The following MFSD8 variants were observed in gnomAD, a reference collection of about 807,000 sequenced individuals.
The protein encoded by MFSD8 is major facilitator superfamily domain-containing protein 8.
MFSD8 carries 55 observed loss-of-function variants against 66.4 expected under a neutral mutation model. The ratio of observed to expected loss-of-function variants is 0.83; its 90% CI spans 0.67 to 1.04. The LOEUF (loss-of-function observed/expected upper bound fraction) is 1.04. Among genes scored for constraint, MFSD8 ranks in the 50% least tolerant of loss-of-function variants. The pLI, the probability that MFSD8 is intolerant of heterozygous loss-of-function variation, is 0.00. For synonymous variants in MFSD8, 202 were observed against 212.8 expected, an observed-to-expected ratio of 0.95 and a Z score of 0.44; for missense variants, 550 against 627.6, an observed-to-expected ratio of 0.88 and a Z score of 1.32.
In MFSD8 at chr4:127,949,444, C is replaced by T. The variant is rs186875811; in HGVS notation, c.198+360G>A. Among the ~76,000 whole-genome samples, 14 of 152,272 alleles carry T rather than the reference C, an allele frequency of 9.2e-5. 1 individual carries two copies. The highest frequency in any genetic ancestry group is 2.9e-5 in the Non-Finnish European group (2 of 68,024). ...GCGTTAAATTATTCCACAAAAATAT[C>T]ATTTACACACTTTAGGAATTCAGAC... On this transcript the variant is annotated intron_variant, in intron 3 of 11. Transcript: ENST00000641686.
chr4:127,955,605 T>G (rs1190479705), intron 2 of MFSD8, among the ~76,000 whole-genome samples: 1 of 151,046 alleles, frequency 6.6e-6, no homozygotes, highest in African/African-American at 2.4e-5. Flanking sequence ...TCCAAAAATC[T>G]GCTGTTTTGC....
intron 4 of MFSD8, chr4:127,943,535 A>G: frequency 1.9e-6 from 1 of 528,692 alleles, no homozygotes; most frequent in Non-Finnish European, 3.3e-6. Flanking sequence ...TGAATCTTGA[A>G]GGATGAAGAA....
chr4:127,935,614 T>C (rs1738936349), intron 7 of MFSD8, among the ~76,000 whole-genome samples: 1 of 152,164 alleles, frequency 6.6e-6, no homozygotes, highest in African/African-American at 2.4e-5. Context: ...AAAAATTATT[T>C]TGAAGTAACT....
chr4:127,921,099 G>T, intron 11 of MFSD8: 1 of 565,232 alleles, frequency 1.8e-6, no homozygotes, highest in Non-Finnish European at 3.1e-6. Flanking sequence ...ACCTTTTAAA[G>T]CTAACATTTA....
At position 127,942,105 on chromosome 4, in the gene MFSD8, T is replaced by G. The variant is rs761767969; in HGVS notation, c.493A>C (p.Arg165=). The G allele has an allele frequency of 4.7e-5, 76 of 1,614,002 alleles. No individual in the cohort carries two copies. The highest frequency in any genetic ancestry group is 6.4e-5 in the Non-Finnish European group (76 of 1,179,996). ...CTTATGTTTGCCATGGAACTTGTTC[T>G]TTCCTGAAGGGAAGTAGCACCAGCA... ...YTAGATSLQE[R]TSSMANISMC... Residue 165 remains arginine (R), a synonymous_variant, in exon 5 of 12, where the codon AGA becomes CGA. Transcript: ENST00000641686.
At chr4:127,950,418 A>G (rs949495737) in intron 2 of MFSD8, among the ~76,000 whole-genome samples, 1 of 152,232 alleles carries the variant, frequency 6.6e-6, no homozygotes, top group African/African-American at 2.4e-5. Flanking sequence ...TGCAGCCAGC[A>G]GTGACTTATG....
chr4:127,940,489 G>C (rs1392566493), intron 5 of MFSD8, among the ~76,000 whole-genome samples: 1 of 142,232 alleles, frequency 7.0e-6, no homozygotes, highest in Non-Finnish European at 1.5e-5. Context: ...TTTTAGACCA[G>C]ATATCTTAAA....
At chr4:127,949,667 T>G in intron 3 of MFSD8, 137 bp downstream of exon 3, 1 of 741,848 alleles carries the variant, frequency 1.3e-6, no homozygotes, top group Non-Finnish European at 2.2e-6. Flanking sequence ...ATAAGCCTCT[T>G]TTAAGGAACT....
intron 2 of MFSD8, among the ~76,000 whole-genome samples, chr4:127,957,160 GA>G (rs548972995): frequency 6.6e-6 from 1 of 151,556 alleles, no homozygotes; most frequent in Non-Finnish European, 1.5e-5. Flanking sequence ...CTCATCACAA[GA>G]AAAAAAATAC....
intron 7 of MFSD8, 25 bp from the exon 8 acceptor site, chr4:127,933,118 A>T (rs1229398961): frequency 6.5e-7 from 1 of 1,540,490 alleles, no homozygotes; most frequent in Admixed American, 1.7e-5. Flanking sequence ...GAGAAAAATT[A>T]CATTACCTAT....
At chr4:127,924,748 T>C (rs2148852253) in intron 9 of MFSD8, among the ~76,000 whole-genome samples, 1 of 152,200 alleles carries the variant, frequency 6.6e-6, no homozygotes, top group Middle Eastern at 3.4e-3. Flanking sequence ...CTACTTTAAA[T>C]TTCATACGGA....
intron 9 of MFSD8, among the ~76,000 whole-genome samples, chr4:127,929,416 A>C (rs1358213036): frequency 6.7e-6 from 1 of 148,898 alleles, no homozygotes; most frequent in African/African-American, 2.5e-5. Context: ...GTCTCTACAA[A>C]AAGTTAAAAA....
At chr4:127,940,554 A>C in intron 5 of MFSD8, among the ~76,000 whole-genome samples, 1 of 147,764 alleles carries the variant, frequency 6.8e-6, no homozygotes, top group East Asian at 1.9e-4. Flanking sequence ...GTGTGTGTAT[A>C]TATTTATTAT....
chr4:127,943,549 T>A, intron 4 of MFSD8: 1 of 571,490 alleles, frequency 1.7e-6, no homozygotes, highest in South Asian at 2.0e-5. Flanking sequence ...TGAAGAATGA[T>A]GAGAACAGAA....
At chr4:127,951,911 G>A (rs906153978) in intron 2 of MFSD8, among the ~76,000 whole-genome samples, 10 of 151,414 alleles carry the variant, frequency 6.6e-5, no homozygotes, top group African/African-American at 2.2e-4. Flanking sequence ...TGTATTTTTC[G>A]TAGAGATGGG....
intron 1 of MFSD8, among the ~76,000 whole-genome samples, chr4:127,962,644 C>G (rs910571589): frequency 2.0e-5 from 3 of 151,016 alleles, no homozygotes; most frequent in African/African-American, 7.3e-5. Flanking sequence ...CCACTGCACT[C>G]CAGACTAGGC....
At chr4:127,956,328 C>A (rs979037100) in intron 2 of MFSD8, among the ~76,000 whole-genome samples, 6 of 150,370 alleles carry the variant, frequency 4.0e-5, no homozygotes, top group Middle Eastern at 3.3e-3. Flanking sequence ...CACAGTGAAA[C>A]CCCGTCTCTA....
intron 3 of MFSD8, 82 bp downstream of exon 3, chr4:127,949,722 G>C (rs190420469): frequency 7.8e-6 from 9 of 1,156,312 alleles, no homozygotes; most frequent in East Asian, 4.8e-5. Flanking sequence ...GAATACCAAA[G>C]AGACTCTTTA....
At chr4:127,953,067 G>T (rs986096227) in intron 2 of MFSD8, among the ~76,000 whole-genome samples, 1 of 152,030 alleles carries the variant, frequency 6.6e-6, no homozygotes, top group Non-Finnish European at 1.5e-5. Context: ...TGGAACCCCA[G>T]TTCTATTCAG....
Sources: allele counts gnomAD v4.1 joint callset (sites outside exome capture counted in the v4.1 genomes callset), GRCh38; gene constraint gnomAD v4.1.1; transcripts MANE v1.5; gene names NCBI Gene and HGNC (gene_info 2026-07-23, HGNC 2026-07-21).